Variants in RNF38 observed in about 807,000 individuals in gnomAD.
The protein encoded by RNF38 is ring finger protein 38.
A neutral mutation model predicts 67.2 loss-of-function variants in RNF38; 15 were observed. That is an observed-to-expected ratio of 0.22 (90% CI 0.15 to 0.34). The LOEUF (loss-of-function observed/expected upper bound fraction) is 0.34. Among genes scored for constraint, RNF38 ranks in the 10% least tolerant of loss-of-function variants. RNF38 has a pLI of 1.00. For missense variants in RNF38, 524 were observed against 639.9 expected, an observed-to-expected ratio of 0.82 and a Z score of 1.95; for synonymous variants, 220 against 218.8, an observed-to-expected ratio of 1.01 and a Z score of -0.05.
intron 1 of RNF38, among the ~76,000 whole-genome samples, chr9:36,391,638 G>T (rs1837102963): frequency 7.5e-6 from 1 of 133,936 alleles, no homozygotes; most frequent in African/African-American, 2.8e-5. Context: ...TTTTTGAGAT[G>T]GAGTCTCGCT....
At chr9:36,375,645 A>T (rs1835733747) in intron 3 of RNF38, among the ~76,000 whole-genome samples, 1 of 152,234 alleles carries the variant, frequency 6.6e-6, no homozygotes, top group Admixed American at 6.5e-5. Context: ...CTAATAGTCA[A>T]GATCGCAGGC....
chr9:36,406,620 C>T (rs1012649061), intron 2 of RNF38, among the ~76,000 whole-genome samples: 27 of 152,188 alleles, frequency 1.8e-4, no homozygotes, highest in Admixed American at 1.3e-4. Flanking sequence ...TTAGCACATA[C>T]CATGTGCTTA....
At chr9:36,391,803 C>T (rs1044234203) in intron 1 of RNF38, among the ~76,000 whole-genome samples, 2 of 151,874 alleles carry the variant, frequency 1.3e-5, no homozygotes, top group Non-Finnish European at 2.9e-5. Flanking sequence ...TTAGTAGAGA[C>T]GGGGTTTCAC....
chr9:36,445,625 G>A (rs1839282505), intron 1 of RNF38, among the ~76,000 whole-genome samples: 1 of 152,168 alleles, frequency 6.6e-6, no homozygotes, highest in South Asian at 2.1e-4. Flanking sequence ...CAAACCACAA[G>A]CCAGAACCAC....
rs1491451376 is a variant in RNF38, at chr9:36,416,740, A to ATTTTTTTTTTT, written n.312+7872_312+7873insAAAAAAAAAAA. 2.3e-4 allele frequency among the ~76,000 whole-genome samples: 17 copies of ATTTTTTTTTTT among 73,050 alleles called. 1 individual carries two copies. The highest frequency in any genetic ancestry group is 9.3e-4 in the African/African-American group (17 of 18,272). The allele number at this position is 73,050 out of a possible 152,430, so 47.9% of individuals were successfully genotyped here. A position where few individuals can be genotyped will look rare whatever the true frequency, so the allele number is the denominator to read the frequency against. ...AGGGCTCCTTCTTGCTGCTGCCTCGATATTTTTTTTTTTTTTTTTTTTTTT... is the reference window on the plus strand; with the variant it reads ...AGGGCTCCTTCTTGCTGCTGCCTCGATTTTTTTTTTTTATTTTTTTTTTTTTTTTTTTTTTT... On this transcript the variant is annotated intron_variant and non_coding_transcript_variant, in intron 2 of 3. Coordinates refer to the RNF38 transcript ENST00000488058.
intron 1 of RNF38, among the ~76,000 whole-genome samples, chr9:36,456,247 G>C (rs1007806603): frequency 6.6e-6 from 1 of 152,042 alleles, no homozygotes; most frequent in Non-Finnish European, 1.5e-5. Flanking sequence ...TAGTAGAAAC[G>C]GGTTTCACCA....
At chr9:36,412,791 G>A (rs1320429136) in intron 2 of RNF38, among the ~76,000 whole-genome samples, 1 of 151,880 alleles carries the variant, frequency 6.6e-6, no homozygotes, top group Non-Finnish European at 1.5e-5. Context: ...CAAAAATTAG[G>A]GTCAGGCGCG....
chr9:36,384,213 TAA>T (rs995413226), intron 2 of RNF38, among the ~76,000 whole-genome samples: 3 of 152,096 alleles, frequency 2.0e-5, no homozygotes, highest in Non-Finnish European at 2.9e-5. Flanking sequence ...TAATTATAGA[TAA>T]GAGACTAAAA....
intron 1 of RNF38, among the ~76,000 whole-genome samples, chr9:36,474,058 A>C (rs962991297): frequency 1.3e-5 from 2 of 151,522 alleles, no homozygotes; most frequent in African/African-American, 4.8e-5. Flanking sequence ...TCACACCTCT[A>C]ATCCCAGCAC....
chr9:36,440,724 G>A (rs1839173826), intron 1 of RNF38, among the ~76,000 whole-genome samples: 1 of 152,144 alleles, frequency 6.6e-6, no homozygotes, highest in Non-Finnish European at 1.5e-5. Flanking sequence ...TGGAACTGAG[G>A]ACACATTGAT....
intron 2 of RNF38, among the ~76,000 whole-genome samples, chr9:36,382,734 C>G (rs2133930116): frequency 6.6e-6 from 1 of 152,322 alleles, no homozygotes; most frequent in African/African-American, 2.4e-5. Context: ...AATGGAATTT[C>G]TCAAGAACCT....
At chr9:36,472,585 A>T (rs1168223074) in intron 1 of RNF38, among the ~76,000 whole-genome samples, 1 of 152,212 alleles carries the variant, frequency 6.6e-6, no homozygotes, top group Non-Finnish European at 1.5e-5. Context: ...CTTTGACCTT[A>T]GAAGCCCATT....
chr9:36,400,912 GCGCCC>G (rs1321467509), upstream of RNF38: 3 of 766,922 alleles, frequency 3.9e-6, no homozygotes, highest in Admixed American at 1.1e-4. Flanking sequence ...CCGCCCCGCC[GCGCCC>G]CGCCGCACCC....
At chr9:36,377,266 T>C (rs1835858574) in intron 2 of RNF38, among the ~76,000 whole-genome samples, 1 of 152,242 alleles carries the variant, frequency 6.6e-6, no homozygotes, top group South Asian at 2.1e-4. Flanking sequence ...TTCTAATTAG[T>C]TGGGCATTAC....
intron 1 of RNF38, among the ~76,000 whole-genome samples, chr9:36,447,334 C>T (rs1213052147): frequency 6.6e-6 from 1 of 152,058 alleles, no homozygotes; most frequent in African/African-American, 2.4e-5. Flanking sequence ...AGAGCAGAAG[C>T]CATGACTTAC....
At chr9:36,386,875 T>A (rs1471096643) in intron 2 of RNF38, among the ~76,000 whole-genome samples, 1 of 152,240 alleles carries the variant, frequency 6.6e-6, no homozygotes, top group Non-Finnish European at 1.5e-5. Context: ...CAATCTCAGC[T>A]CACTGCAACC....
At chr9:36,417,028 A>T (rs1266093441) in intron 2 of RNF38, among the ~76,000 whole-genome samples, 1 of 152,088 alleles carries the variant, frequency 6.6e-6, no homozygotes, top group East Asian at 1.9e-4. Flanking sequence ...CTGGGATTAC[A>T]GCACTTTTTG....
rs192988335 is a variant in RNF38, at chr9:36,390,912, A to G, written c.13-296T>C. 4.6e-5 allele frequency among the ~76,000 whole-genome samples: 7 copies of G among 152,320 alleles called. No homozygotes were observed. The East Asian group carries it at 1.3e-3, about 29-fold the overall frequency. Reference sequence around the variant, plus strand: ...CTTTTTCTGCTGGTGTTAATTCCGAAATCCTAAAGGACAGACTTCATGCTA... The same window carrying G: ...CTTTTTCTGCTGGTGTTAATTCCGAGATCCTAAAGGACAGACTTCATGCTA... On this transcript the variant is annotated intron_variant, in intron 1 of 11. Coordinates refer to ENST00000259605, the MANE Select transcript of RNF38 (RefSeq NM_022781.5).
At chr9:36,465,809 G>A (rs1274275649) in intron 1 of RNF38, among the ~76,000 whole-genome samples, 1 of 152,118 alleles carries the variant, frequency 6.6e-6, no homozygotes, top group Non-Finnish European at 1.5e-5. Context: ...CCAGCACTTT[G>A]GGAGGCCGAG....
Sources: allele counts gnomAD v4.1 joint callset (sites outside exome capture counted in the v4.1 genomes callset), GRCh38; gene constraint gnomAD v4.1.1; transcripts MANE v1.5; gene names NCBI Gene and HGNC (gene_info 2026-07-23, HGNC 2026-07-21).